The following MYO3B variants were observed in gnomAD, a reference collection of about 807,000 sequenced individuals.
The protein encoded by MYO3B is myosin-IIIb.
A neutral mutation model predicts 174.6 loss-of-function variants in MYO3B; 156 were observed. That is an observed-to-expected ratio of 0.89 (90% CI 0.78 to 1.02). The LOEUF (loss-of-function observed/expected upper bound fraction) is 1.02, where lower values mean the gene tolerates loss of function less well. MYO3B is among the 50% of genes least tolerant of loss of function. The probability of loss-of-function intolerance (pLI) is 0.00; values close to 1 mark genes in which losing one functional copy is unlikely to be tolerated. For missense variants in MYO3B, 1,632 were observed against 1,639.4 expected, an observed-to-expected ratio of 1.00 and a Z score of 0.08; for synonymous variants, 563 against 569.1, an observed-to-expected ratio of 0.99 and a Z score of 0.15.
At chr2:170,373,616 G>T (rs2094264665) in intron 9 of MYO3B, among the ~76,000 whole-genome samples, 1 of 152,096 alleles carries the variant, frequency 6.6e-6, no homozygotes, top group African/African-American at 2.4e-5. Flanking sequence ...ACAGGTAAAG[G>T]GGAAGGATAT....
At chr2:170,278,272 G>A (rs748379254) in intron 7 of MYO3B, among the ~76,000 whole-genome samples, 23 of 152,178 alleles carry the variant, frequency 1.5e-4, no homozygotes, top group East Asian at 1.2e-3. Flanking sequence ...TAAGAATGTC[G>A]TAGTCTTATA....
At chr2:170,619,830 T>C (rs1454309295) in intron 32 of MYO3B, among the ~76,000 whole-genome samples, 1 of 132,638 alleles carries the variant, frequency 7.5e-6, no homozygotes, top group African/African-American at 2.8e-5. Context: ...CACTGCAACC[T>C]CTGCCTCCCA....
chr2:170,631,817 A>T (rs1697011289), intron 32 of MYO3B, among the ~76,000 whole-genome samples: 1 of 152,174 alleles, frequency 6.6e-6, no homozygotes, highest in South Asian at 2.1e-4. Context: ...TACCAAGCAA[A>T]CGGAAAACAA....
intron 3 of MYO3B, among the ~76,000 whole-genome samples, chr2:170,203,521 G>T (rs2092685758): frequency 6.7e-6 from 1 of 148,920 alleles, no homozygotes; most frequent in African/African-American, 2.5e-5. Context: ...GAGGGAGGGA[G>T]AAAGAGAGAC....
chr2:170,250,692 C>T (rs963223080), intron 7 of MYO3B, among the ~76,000 whole-genome samples: 11 of 152,080 alleles, frequency 7.2e-5, no homozygotes, highest in East Asian at 3.9e-4. Context: ...TCCAGTGTCC[C>T]GGAAGAACTG....
At chr2:170,245,044 A>G (rs902988603) in intron 7 of MYO3B, among the ~76,000 whole-genome samples, 8 of 152,190 alleles carry the variant, frequency 5.3e-5, no homozygotes, top group African/African-American at 1.9e-4. Context: ...TCGTGTTGGT[A>G]TGAACACACT....
chr2:170,464,776 A>G (rs1263396079), intron 24 of MYO3B, among the ~76,000 whole-genome samples: 2 of 152,034 alleles, frequency 1.3e-5, no homozygotes, highest in Non-Finnish European at 2.9e-5. Flanking sequence ...ATTGAGACAC[A>G]CCTGGTCCTA....
intron 8 of MYO3B, among the ~76,000 whole-genome samples, chr2:170,362,139 C>G (rs2094166341): frequency 6.6e-6 from 1 of 152,134 alleles, no homozygotes; most frequent in Non-Finnish European, 1.5e-5. Context: ...CGTCTTAACT[C>G]TAGAGGTAGA....
chr2:170,250,161 A>G (rs2093235752), intron 7 of MYO3B, among the ~76,000 whole-genome samples: 1 of 152,250 alleles, frequency 6.6e-6, no homozygotes, highest in South Asian at 2.1e-4. Flanking sequence ...GACACCATCA[A>G]GATTATTCAG....
intron 22 of MYO3B, among the ~76,000 whole-genome samples, chr2:170,420,969 T>A (rs113232309): frequency 3.9e-5 from 6 of 152,078 alleles, no homozygotes; most frequent in Non-Finnish European, 5.9e-5. Context: ...CTAGTCTGGG[T>A]TGGGTAAAAT....
chr2:170,227,771 C>G (rs1239595515), intron 6 of MYO3B, among the ~76,000 whole-genome samples: 1 of 152,110 alleles, frequency 6.6e-6, no homozygotes, highest in Non-Finnish European at 1.5e-5. Flanking sequence ...GATTTGCTTC[C>G]CTTCCTGTTT....
At chr2:170,557,478 T>TTAGC (rs1265657892) in intron 32 of MYO3B, among the ~76,000 whole-genome samples, 1 of 152,166 alleles carries the variant, frequency 6.6e-6, no homozygotes, top group Non-Finnish European at 1.5e-5. Context: ...AAAACAGTAT[T>TTAGC]TAGCAAGAGA....
intron 22 of MYO3B, among the ~76,000 whole-genome samples, chr2:170,413,017 A>G (rs1191847489): frequency 6.6e-6 from 1 of 152,236 alleles, no homozygotes; most frequent in Non-Finnish European, 1.5e-5. Context: ...AAGTAACACA[A>G]CAAAGTCCCA....
At chr2:170,403,087 A>G in intron 19 of MYO3B, 92 bp downstream of exon 19, 7 of 1,263,410 alleles carry the variant, frequency 5.5e-6, no homozygotes, top group Non-Finnish European at 6.5e-6. Context: ...TAGACTAACA[A>G]CTAAAAGACC....
chr2:170,642,674 T>C (rs1009057354), intron 32 of MYO3B, among the ~76,000 whole-genome samples: 2 of 152,170 alleles, frequency 1.3e-5, no homozygotes, highest in Admixed American at 6.6e-5. Flanking sequence ...TCTTGAGTTA[T>C]AGCTTAGGGA....
intron 7 of MYO3B, among the ~76,000 whole-genome samples, chr2:170,265,965 T>G (rs528407144): frequency 3.0e-4 from 46 of 152,234 alleles, no homozygotes; most frequent in African/African-American, 1.1e-3. Context: ...ATACCATACT[T>G]TTCTGTTCAC....
chr2:170,358,004 T>C (rs1021841684), intron 8 of MYO3B, among the ~76,000 whole-genome samples: 2 of 151,826 alleles, frequency 1.3e-5, no homozygotes, highest in African/African-American at 4.8e-5. Flanking sequence ...AATACAAAAG[T>C]AGCCAGGTGC....
At chr2:170,638,391 A>G (rs545877538) in intron 32 of MYO3B, among the ~76,000 whole-genome samples, 2 of 152,326 alleles carry the variant, frequency 1.3e-5, no homozygotes, top group African/African-American at 4.8e-5. Flanking sequence ...TGCTCTTTGA[A>G]TGAATGAATC....
intron 32 of MYO3B, among the ~76,000 whole-genome samples, chr2:170,548,797 G>A (rs1215351956): frequency 1.3e-5 from 2 of 152,070 alleles, no homozygotes; most frequent in Non-Finnish European, 2.9e-5. Context: ...ATATGAAATG[G>A]GGCCACCTAC....
Sources: allele counts gnomAD v4.1 joint callset (sites outside exome capture counted in the v4.1 genomes callset), GRCh38; gene constraint gnomAD v4.1.1; transcripts MANE v1.5; gene names NCBI Gene and HGNC (gene_info 2026-07-23, HGNC 2026-07-21).